The following VKORC1L1 variants were observed in gnomAD, a reference collection of about 807,000 sequenced individuals.
VKORC1L1 encodes the protein vitamin K epoxide reductase complex subunit 1L1, also known as vitamin K epoxide reductase complex subunit 1-like protein 1.
A neutral mutation model predicts 18.9 loss-of-function variants in VKORC1L1; 2 were observed. That is an observed-to-expected ratio of 0.11 (90% confidence interval 0.04 to 0.33). The LOEUF (loss-of-function observed/expected upper bound fraction) is 0.33. Ranked by LOEUF, VKORC1L1 falls within the 10% of genes least tolerant of loss-of-function variation. The pLI is 1.00. For missense variants in VKORC1L1, 123 were observed against 224.1 expected, an observed-to-expected ratio of 0.55 and a Z score of 2.88; for synonymous variants, 96 against 100.0, an observed-to-expected ratio of 0.96 and a Z score of 0.24.
At chr7:65,927,653 G>A (rs1430803265) in intron 1 of VKORC1L1, among the ~76,000 whole-genome samples, 1 of 152,170 alleles carries the variant, frequency 6.6e-6, no homozygotes, top group Non-Finnish European at 1.5e-5. Context: ...CATTGGCTGA[G>A]TACTGCAGGT....
At chr7:65,927,009 A>G (rs1262160914) in intron 1 of VKORC1L1, among the ~76,000 whole-genome samples, 5 of 152,148 alleles carry the variant, frequency 3.3e-5, no homozygotes, top group African/African-American at 1.2e-4. Context: ...TAGTGTGGCC[A>G]GGCATGGTGG....
chr7:65,951,676 C>T (rs1309880799), intron 2 of VKORC1L1, among the ~76,000 whole-genome samples: 6 of 151,936 alleles, frequency 3.9e-5, no homozygotes, highest in Non-Finnish European at 7.4e-5. Context: ...TCCTCAGCCC[C>T]GACTGGTAGC....
chr7:65,944,009 T>A (rs2115717075), intron 1 of VKORC1L1, among the ~76,000 whole-genome samples: 1 of 152,278 alleles, frequency 6.6e-6, no homozygotes, highest in East Asian at 1.9e-4. Flanking sequence ...CTGGGCACAA[T>A]GGCTTGTGCC....
intron 1 of VKORC1L1, among the ~76,000 whole-genome samples, chr7:65,881,298 A>C (rs1211154903): frequency 2.0e-5 from 3 of 152,234 alleles, no homozygotes; most frequent in African/African-American, 7.2e-5. Flanking sequence ...CAGTCAAATG[A>C]ATCTCATGCT....
At chr7:65,910,662 A>G (rs1187925086) in intron 1 of VKORC1L1, among the ~76,000 whole-genome samples, 1 of 152,098 alleles carries the variant, frequency 6.6e-6, no homozygotes, top group Non-Finnish European at 1.5e-5. Context: ...TACAATGAAA[A>G]GCACTTTGCA....
At chr7:65,943,917 A>G (rs7797882) in intron 1 of VKORC1L1, among the ~76,000 whole-genome samples, 57 of 152,368 alleles carry the variant, frequency 3.7e-4, no homozygotes, top group African/African-American at 1.3e-3. Flanking sequence ...AAATTTAAAC[A>G]ACAAAGAAAA....
At chr7:65,933,038 A>T (rs1409020768) in intron 1 of VKORC1L1, among the ~76,000 whole-genome samples, 1 of 145,892 alleles carries the variant, frequency 6.9e-6, no homozygotes, top group Non-Finnish European at 1.5e-5. Flanking sequence ...AGATCGCGCC[A>T]CTGCACTCCA....
chr7:65,875,877 C>A (rs1207620212), intron 1 of VKORC1L1, among the ~76,000 whole-genome samples: 1 of 152,150 alleles, frequency 6.6e-6, no homozygotes, highest in Non-Finnish European at 1.5e-5. Flanking sequence ...TGAAGAAAAT[C>A]ATCTTCCAGG....
At position 65,895,472 on chromosome 7, in the gene VKORC1L1, AAAAAAAAAATATATATATATATAT is replaced by A. The variant is rs1315477538; in HGVS notation, c.194+21909_194+21932del. Among the ~76,000 whole-genome samples the A allele has an allele frequency of 1.2e-4, 6 of 50,598 alleles. No individual in the cohort carries two copies. In the South Asian group the frequency reaches 2.7e-3, roughly 23 times the overall value. The allele number at this position is 50,598 out of a possible 152,430, so 33.2% of individuals were successfully genotyped here. On this transcript the variant is annotated intron_variant, in intron 1 of 2. Coordinates refer to ENST00000360768, the MANE Select transcript of VKORC1L1 (RefSeq NM_173517.6). ...CTGTGAGAAAAAAAAAAAAAAAAAAAAAAAAAAAATATATATATATATATATATATATATATATATATATACACA... is the reference window on the plus strand; with the variant it reads ...CTGTGAGAAAAAAAAAAAAAAAAAAAATATATATATATATATATATACACA...
At chr7:65,875,668 C>T (rs961856272) in intron 1 of VKORC1L1, among the ~76,000 whole-genome samples, 3 of 150,580 alleles carry the variant, frequency 2.0e-5, no homozygotes, top group Admixed American at 6.7e-5. Context: ...CCGCCCTCCT[C>T]GGCCTCCCAA....
intron 1 of VKORC1L1, among the ~76,000 whole-genome samples, chr7:65,930,838 T>C (rs568609979): frequency 1.1e-3 from 174 of 152,316 alleles, no homozygotes; most frequent in Non-Finnish European, 1.8e-3. Flanking sequence ...TCTTTCCCCA[T>C]TGAATGTGAT....
intron 1 of VKORC1L1, among the ~76,000 whole-genome samples, chr7:65,881,222 G>A (rs1788922616): frequency 6.6e-6 from 1 of 151,878 alleles, no homozygotes; most frequent in Non-Finnish European, 1.5e-5. Flanking sequence ...AATGAAACAG[G>A]GATTTCATAC....
the VKORC1L1 span, among the ~76,000 whole-genome samples, chr7:65,867,947 A>T: frequency 6.6e-6 from 1 of 152,170 alleles, no homozygotes; most frequent in Admixed American, 6.5e-5. Context: ...CCCAGATTCA[A>T]GTGATTCTCC....
At chr7:65,938,172 T>C (rs1332281435) in intron 1 of VKORC1L1, among the ~76,000 whole-genome samples, 2 of 151,966 alleles carry the variant, frequency 1.3e-5, no homozygotes, top group Non-Finnish European at 2.9e-5. Context: ...CAAGCCGCTG[T>C]GCGACCGAGC....
intron 1 of VKORC1L1, among the ~76,000 whole-genome samples, chr7:65,883,063 A>G (rs1007306889): frequency 1.1e-4 from 17 of 151,744 alleles, no homozygotes; most frequent in African/African-American, 3.6e-4. Flanking sequence ...AGACTGCCCA[A>G]TCATCCATAA....
At chr7:65,934,147 G>A (rs899522241) in intron 1 of VKORC1L1, among the ~76,000 whole-genome samples, 3 of 151,992 alleles carry the variant, frequency 2.0e-5, no homozygotes, top group Admixed American at 6.6e-5. Context: ...TGTAATCCCA[G>A]CACTTTGGGA....
chr7:65,935,111 A>G (rs1433018445), intron 1 of VKORC1L1, among the ~76,000 whole-genome samples: 1 of 150,924 alleles, frequency 6.6e-6, no homozygotes, highest in African/African-American at 2.4e-5. Flanking sequence ...GAAATTTCAT[A>G]TTTCCCTCTG....
chr7:65,915,881 C>T (rs575470866), intron 1 of VKORC1L1, among the ~76,000 whole-genome samples: 1 of 152,082 alleles, frequency 6.6e-6, no homozygotes, highest in Non-Finnish European at 1.5e-5. Flanking sequence ...CTTGCTGAGG[C>T]GGGCAGATCA....
At chr7:65,895,469 AAAAAAAAAAAAATATATATATATATAT>A (rs1789179625) in intron 1 of VKORC1L1, among the ~76,000 whole-genome samples, 2 of 53,980 alleles carry the variant, frequency 3.7e-5, no homozygotes, top group African/African-American at 1.6e-4. Flanking sequence ...AAAAAAAAAA[AAAAAAAAAAAAATATATATATATATAT>A]ATATATATAT....
Sources: gnomAD v4.1 joint callset for allele counts (sites outside exome capture counted in the v4.1 genomes callset) on GRCh38, gnomAD v4.1.1 for gene constraint, MANE v1.5 for transcripts, NCBI Gene and HGNC (gene_info 2026-07-23, HGNC 2026-07-21) for gene names.